FBXO42: variants seen among roughly 807,000 people sequenced by gnomAD.
FBXO42 encodes the protein F-box protein 42.
FBXO42 carries 12 observed loss-of-function variants against 71.7 expected under a neutral mutation model. The ratio of observed to expected loss-of-function variants is 0.17; its 90% CI spans 0.11 to 0.27. The LOEUF is 0.27. Among genes scored for constraint, FBXO42 ranks in the 10% least tolerant of loss-of-function variants. FBXO42 has a pLI of 1.00. For missense variants in FBXO42, 707 were observed against 911.9 expected, an observed-to-expected ratio of 0.78 and a Z score of 2.89; for synonymous variants, 325 against 327.5, an observed-to-expected ratio of 0.99 and a Z score of 0.08.
chr1:16,289,204 A>T (rs1205596035), intron 4 of FBXO42, among the ~76,000 whole-genome samples: 1 of 151,908 alleles, frequency 6.6e-6, no homozygotes, highest in African/African-American at 2.4e-5. Flanking sequence ...AGACCAGCCC[A>T]GGCAACATAG....
intron 2 of FBXO42, among the ~76,000 whole-genome samples, chr1:16,311,766 G>C (rs966352726): frequency 3.3e-5 from 5 of 151,962 alleles, no homozygotes; most frequent in South Asian, 2.1e-4. Context: ...CTGCTAGTGG[G>C]AGTACAAAAT....
At chr1:16,348,158 C>T (rs1312055404) in intron 1 of FBXO42, among the ~76,000 whole-genome samples, 1 of 152,142 alleles carries the variant, frequency 6.6e-6, no homozygotes, top group Non-Finnish European at 1.5e-5. Context: ...ATCACCTTCA[C>T]TTTTCCATCA....
intron 4 of FBXO42, among the ~76,000 whole-genome samples, chr1:16,291,038 C>A (rs1310841700): frequency 1.3e-5 from 2 of 152,338 alleles, no homozygotes; most frequent in East Asian, 3.9e-4. Flanking sequence ...GTGTTCCACT[C>A]CTTGCTTGAT....
intron 1 of FBXO42, among the ~76,000 whole-genome samples, chr1:16,319,917 AAAAAG>A (rs2082398485): frequency 6.6e-6 from 1 of 151,350 alleles, no homozygotes; most frequent in African/African-American, 2.4e-5. Context: ...TCTTAAAAAA[AAAAAG>A]AAAAAGAAAA....
At chr1:16,284,540 T>TA (rs941808702) in intron 4 of FBXO42, among the ~76,000 whole-genome samples, 9 of 152,036 alleles carry the variant, frequency 5.9e-5, no homozygotes, top group African/African-American at 2.2e-4. Flanking sequence ...TCTGTCATCT[T>TA]AAAAAAACGA....
chr1:16,307,938 CCA>C (rs1346513048), intron 2 of FBXO42, among the ~76,000 whole-genome samples: 1 of 152,142 alleles, frequency 6.6e-6, no homozygotes, highest in Non-Finnish European at 1.5e-5. Flanking sequence ...CAAACTGTTT[CCA>C]CAGTTTATGT....
intron 4 of FBXO42, among the ~76,000 whole-genome samples, chr1:16,289,233 A>G (rs1330778136): frequency 1.3e-5 from 2 of 150,200 alleles, no homozygotes; most frequent in African/African-American, 4.9e-5. Flanking sequence ...TAGTTCTACA[A>G]AAAAAAAAGA....
At chr1:16,315,833 G>C (rs1423518472) in intron 1 of FBXO42, among the ~76,000 whole-genome samples, 2 of 152,036 alleles carry the variant, frequency 1.3e-5, no homozygotes, top group Non-Finnish European at 2.9e-5. Context: ...CTAACTCTGG[G>C]TCTTGCAAAA....
At chr1:16,311,666 G>C (rs1237072286) in intron 2 of FBXO42, among the ~76,000 whole-genome samples, 1 of 151,848 alleles carries the variant, frequency 6.6e-6, no homozygotes, top group East Asian at 1.9e-4. Context: ...ATTAAAATGA[G>C]ATACCACTAC....
chr1:16,347,030 C>T (rs986408128), intron 1 of FBXO42, among the ~76,000 whole-genome samples: 3 of 151,802 alleles, frequency 2.0e-5, no homozygotes, highest in African/African-American at 7.3e-5. Context: ...TAGGCATGAG[C>T]CACCGCACCC....
chr1:16,289,769 C>A (rs987866682), intron 4 of FBXO42, among the ~76,000 whole-genome samples: 12 of 152,120 alleles, frequency 7.9e-5, no homozygotes, highest in Non-Finnish European at 1.3e-4. Context: ...CCCATCTCTA[C>A]AAAACAATAC....
intron 1 of FBXO42, among the ~76,000 whole-genome samples, chr1:16,333,089 C>T (rs1454451956): frequency 1.3e-5 from 2 of 152,102 alleles, no homozygotes; most frequent in African/African-American, 2.4e-5. Flanking sequence ...TACTCTGCCA[C>T]GTAAGAGTTA....
At chr1:16,338,236 G>A (rs2082571108) in intron 1 of FBXO42, among the ~76,000 whole-genome samples, 1 of 151,086 alleles carries the variant, frequency 6.6e-6, no homozygotes, top group African/African-American at 2.4e-5. Flanking sequence ...ACTCCAGCCT[G>A]GACAACAGAG....
chr1:16,294,882 C>T lies in FBXO42; in HGVS notation c.403G>A (p.Val135Met), dbSNP rs1273871164. Residue 135 changes from valine (V) to methionine (M), a missense_variant, in exon 4 of 10, where the codon GTG becomes ATG. By Grantham distance (21) the Val-to-Met change is conservative. Coordinates refer to ENST00000375592, the MANE Select transcript of FBXO42 (RefSeq NM_018994.3). Reference protein sequence around the residue: ...CYYDANQSMYVFGGCTQSSCN... With the variant: ...CYYDANQSMYMFGGCTQSSCN... ...CTGCTCTGGGTACAGCCTCCAAACA[C>T]ATACATAGACTGATTAGCATCATAA... 1 of 1,613,682 alleles carries T rather than the reference C, an allele frequency of 6.2e-7. No homozygotes were observed. Among genetic ancestry groups the T allele is most frequent in the East Asian group, 2.2e-5 (1 of 44,874 alleles).
intron 4 of FBXO42, among the ~76,000 whole-genome samples, chr1:16,260,439 G>A (rs1206124724): frequency 2.6e-5 from 4 of 151,940 alleles, no homozygotes; most frequent in African/African-American, 9.7e-5. Context: ...AAACTCCTGA[G>A]CTCAGGCAAT....
chr1:16,265,055 T>C (rs1362780678), intron 4 of FBXO42, among the ~76,000 whole-genome samples: 1 of 152,212 alleles, frequency 6.6e-6, no homozygotes, highest in Non-Finnish European at 1.5e-5. Flanking sequence ...TCACCTGTTT[T>C]AATTGGGGAT....
chr1:16,249,563 T>C lies in FBXO42; in HGVS notation c.*1107A>G, dbSNP rs774630314. ...TGGGATGAGTGTGCTCAATGTGCTT[T>C]GGAAGTAAAAAGAAGCCCATAGGGA... On this transcript the variant is annotated 3_prime_UTR_variant, in exon 10 of 10. Coordinates refer to ENST00000375592, the MANE Select transcript of FBXO42 (RefSeq NM_018994.3). 6.6e-6 allele frequency: 1 copy of C among 152,220 alleles called. No individual in the cohort carries two copies. The highest frequency in any genetic ancestry group is 1.5e-5 in the Non-Finnish European group (1 of 68,032). 9.4% of individuals were successfully genotyped at this position (152,220 alleles called of 1,614,324 possible).
chr1:16,315,117 A>C (rs575831293), intron 2 of FBXO42, 52 bp downstream of exon 2: 1 of 1,541,040 alleles, frequency 6.5e-7, no homozygotes, highest in South Asian at 1.3e-5. Context: ...GTCTAAAAAT[A>C]AATCAGTGAA....
Position 16,294,865 on chromosome 1 carries a change from G to A in FBXO42, c.420C>T (p.Thr140=). 6.2e-7 allele frequency: 1 copy of A among 1,613,978 alleles called. No homozygotes were observed. ...NQSMYVFGGC[T]QSSCNAAFND... ...TGAAAGCAGCATTGCAGCTGCTCTG[G>A]GTACAGCCTCCAAACACATACATAG... Residue 140 remains threonine (T), a synonymous_variant, in exon 4 of 10, where the codon ACC becomes ACT. Coordinates refer to ENST00000375592, the MANE Select transcript of FBXO42 (RefSeq NM_018994.3).
Sources: allele counts gnomAD v4.1 joint callset (sites outside exome capture counted in the v4.1 genomes callset), GRCh38; gene constraint gnomAD v4.1.1; transcripts MANE v1.5; gene names NCBI Gene and HGNC (gene_info 2026-07-23, HGNC 2026-07-21).